Variants in FAT3 observed in about 807,000 individuals in gnomAD.
FAT3 encodes FAT atypical cadherin 3, also known as protocadherin Fat 3.
FAT3 carries 95 observed loss-of-function variants against 310.2 expected under a neutral mutation model. The ratio of observed to expected loss-of-function variants is 0.31; its 90% CI spans 0.26 to 0.36. The LOEUF is 0.36. Ranked by LOEUF, FAT3 falls within the 10% of genes least tolerant of loss-of-function variation. FAT3 has a pLI of 1.00. For missense variants in FAT3, 5,408 were observed against 5,715.6 expected (o/e 0.95, Z 1.74); for synonymous variants, 2,314 against 2,192.9 (o/e 1.06, Z -1.54).
intron 2 of FAT3, among the ~76,000 whole-genome samples, chr11:92,478,604 C>T (rs1025086679): frequency 6.6e-6 from 1 of 151,404 alleles, no homozygotes; most frequent in Non-Finnish European, 1.5e-5. Flanking sequence ...AGAAACGATG[C>T]ACTTTCTATC....
At chr11:92,752,518 G>A (rs533077895) in intron 4 of FAT3, among the ~76,000 whole-genome samples, 33 of 152,312 alleles carry the variant, frequency 2.2e-4, no homozygotes, top group African/African-American at 7.2e-4. Context: ...TTTAATGCAT[G>A]TTACCTGTTA....
chr11:92,547,005 G>GT (rs1183362987), intron 3 of FAT3, among the ~76,000 whole-genome samples: 1 of 152,120 alleles, frequency 6.6e-6, no homozygotes, highest in African/African-American at 2.4e-5. Flanking sequence ...CACATAATAC[G>GT]TAAGGTCTCT....
Position 92,801,485 on chromosome 11 carries a change from G to T in FAT3, c.8472G>T (p.Met2824Ile), listed in dbSNP as rs1339977949. The part of the protein sequence containing the change: ...FETSSYDTII[M>I]EGMPVGTKLT... The stretch of plus-strand genomic sequence containing the variant: ...CTTCAAGCTATGACACCATTATAAT[G>T]GAAGGGATGCCTGTTGGCACCAAAC... Residue 2824 changes from methionine (M) to isoleucine (I), a missense_variant, in exon 10 of 28, where the codon ATG (methionine) becomes ATT (isoleucine). This residue lies in a region of FAT3 where 4,588 missense variants were observed against 4,809.8 expected (regional missense o/e 0.95). Transcript: ENST00000525166. 4 of 1,613,088 alleles carry T rather than the reference G, an allele frequency of 2.5e-6. No homozygotes were observed. Among genetic ancestry groups the T allele is most frequent in the Non-Finnish European group, 3.4e-6 (4 of 1,179,544 alleles).
intron 2 of FAT3, among the ~76,000 whole-genome samples, chr11:92,434,972 A>G (rs112118198): frequency 0.017 from 2,558 of 152,242 alleles, 84 homozygotes; most frequent in African/African-American, 0.058. Context: ...ACCTAAAGAC[A>G]TGGGATTTTA....
chr11:92,885,679 T>C (rs1161615443), intron 24 of FAT3, among the ~76,000 whole-genome samples: 1 of 152,088 alleles, frequency 6.6e-6, no homozygotes, highest in East Asian at 1.9e-4. Flanking sequence ...TATTTAGCAA[T>C]AAAAAAGGGG....
chr11:92,278,806 G>A (rs1362508631), intron 1 of FAT3, among the ~76,000 whole-genome samples: 1 of 152,108 alleles, frequency 6.6e-6, no homozygotes, highest in Admixed American at 6.6e-5. Flanking sequence ...ATTAGTAAAG[G>A]TATGGAGCTA....
chr11:92,286,803 T>C (rs974254998), intron 1 of FAT3, among the ~76,000 whole-genome samples: 6 of 152,166 alleles, frequency 3.9e-5, no homozygotes, highest in Admixed American at 1.3e-4. Context: ...TTAGACTGCA[T>C]TAGGTGTGTA....
At chr11:92,350,836 C>T (rs916264527) in intron 1 of FAT3, among the ~76,000 whole-genome samples, 2 of 152,138 alleles carry the variant, frequency 1.3e-5, no homozygotes, top group South Asian at 2.1e-4. Flanking sequence ...TCCATCTCCT[C>T]TCATCTTCAC....
intron 2 of FAT3, among the ~76,000 whole-genome samples, chr11:92,406,071 G>T (rs1162099384): frequency 2.0e-5 from 3 of 151,948 alleles, no homozygotes; most frequent in African/African-American, 7.3e-5. Context: ...TTCATTCCTT[G>T]GTTCATAAGT....
chr11:92,335,064 G>A (rs954922037), intron 1 of FAT3, among the ~76,000 whole-genome samples: 7 of 152,104 alleles, frequency 4.6e-5, no homozygotes, highest in African/African-American at 1.4e-4. Flanking sequence ...TGATGATGCC[G>A]CAGCAGGAAC....
At position 92,891,312 on chromosome 11, in the gene FAT3, G is replaced by T; in HGVS notation, c.*199G>T. On this transcript the variant is annotated 3_prime_UTR_variant, in exon 28 of 28. Coordinates refer to ENST00000525166, the MANE Select transcript of FAT3 (RefSeq NM_001367949.2). ...GGTGAAAATGAAAGGCTCAGAAATT[G>T]TTTTTGAGAGGTGACTGGTAATCCT... The T allele has an allele frequency of 1.4e-6, 1 of 735,446 alleles. No individual in the cohort carries two copies. Among genetic ancestry groups the T allele is most frequent in the Non-Finnish European group, 2.1e-6 (1 of 465,378 alleles). The allele number at this position is 735,446 out of a possible 1,614,324, so 45.6% of individuals were successfully genotyped here.
chr11:92,587,436 G>A (rs1410014038), intron 3 of FAT3, among the ~76,000 whole-genome samples: 3 of 151,966 alleles, frequency 2.0e-5, no homozygotes, highest in Non-Finnish European at 4.4e-5. Context: ...ATTTCTAGAA[G>A]TAGACTTGCA....
chr11:92,774,772 C>G (rs1386272902), intron 7 of FAT3, among the ~76,000 whole-genome samples: 2 of 152,090 alleles, frequency 1.3e-5, no homozygotes, highest in African/African-American at 4.8e-5. Context: ...GTGGCTGGAC[C>G]CCAGCCACAG....
chr11:92,601,627 G>A (rs896798220), intron 3 of FAT3, among the ~76,000 whole-genome samples: 8 of 152,064 alleles, frequency 5.3e-5, no homozygotes, highest in South Asian at 4.1e-4. Flanking sequence ...CAAGGCATGC[G>A]TGTGGTAGGG....
chr11:92,416,219 CAAAAAAA>C, intron 2 of FAT3, among the ~76,000 whole-genome samples: 1 of 131,354 alleles, frequency 7.6e-6, no homozygotes, highest in East Asian at 2.3e-4. Context: ...ACTAAAGATA[CAAAAAAA>C]AAAAAAAAAT....
chr11:92,241,898 G>C (rs545285808), intron 1 of FAT3, among the ~76,000 whole-genome samples: 1 of 152,126 alleles, frequency 6.6e-6, no homozygotes, highest in African/African-American at 2.4e-5. Flanking sequence ...GCACAGTGGA[G>C]TTATTTTTAC....
In FAT3 at chr11:92,243,837, A is replaced by G. The variant is rs79556125; in HGVS notation, c.-18+18663A>G. Among the ~76,000 whole-genome samples, 853 of 152,228 alleles carry G rather than the reference A, an allele frequency of 5.6e-3. 3 individuals are homozygous for G. Among genetic ancestry groups the G allele is most frequent in the Non-Finnish European group, 9.2e-3 (628 of 67,964 alleles). ...TTGATTTGGGTATCATTTTTAAACA[A>G]TGGAACCAATCTTTATTAAAATATT... On this transcript the variant is annotated intron_variant, in intron 1 of 27. Coordinates refer to ENST00000525166, the MANE Select transcript of FAT3 (RefSeq NM_001367949.2).
At chr11:92,614,812 T>C (rs1329097566) in intron 3 of FAT3, among the ~76,000 whole-genome samples, 5 of 152,236 alleles carry the variant, frequency 3.3e-5, no homozygotes, top group African/African-American at 9.6e-5. Context: ...AGATTTAATC[T>C]TATATTTTCT....
intron 13 of FAT3, among the ~76,000 whole-genome samples, chr11:92,820,292 T>C (rs1344798033): frequency 6.6e-6 from 1 of 152,178 alleles, no homozygotes; most frequent in African/African-American, 2.4e-5. Context: ...TGTGTTCACA[T>C]GGCCTTTCCT....
Sources: gnomAD v4.1 joint callset for allele counts (sites outside exome capture counted in the v4.1 genomes callset) on GRCh38, gnomAD v4.1.1 for gene constraint, gnomAD v4.1.1 regional missense constraint, MANE v1.5 for transcripts, NCBI Gene and HGNC (gene_info 2026-07-23, HGNC 2026-07-21) for gene names.